IMMP2L: variants seen among roughly 807,000 people sequenced by gnomAD.
IMMP2L encodes the protein inner mitochondrial membrane peptidase subunit 2.
A neutral mutation model predicts 19.3 loss-of-function variants in IMMP2L; 18 were observed. The observed-to-expected ratio is 0.93, with a 90% CI of 0.64 to 1.38. IMMP2L has a LOEUF of 1.38. Among genes scored for constraint, IMMP2L ranks in the 40% most tolerant of loss-of-function variants. The pLI is 0.00. For synonymous variants in IMMP2L, 76 were observed against 73.0 expected, an observed-to-expected ratio of 1.04 and a Z score of -0.21; for missense variants, 233 against 218.2, an observed-to-expected ratio of 1.07 and a Z score of -0.43.
intron 5 of IMMP2L, among the ~76,000 whole-genome samples, chr7:110,798,436 T>C (rs1330167836): frequency 6.6e-6 from 1 of 151,980 alleles, no homozygotes; most frequent in African/African-American, 2.4e-5. Flanking sequence ...ACAGTGCCCA[T>C]ACTACCTGAC....
intron 3 of IMMP2L, among the ~76,000 whole-genome samples, chr7:111,055,500 C>T (rs1563198815): frequency 1.3e-5 from 2 of 152,154 alleles, no homozygotes; most frequent in Non-Finnish European, 2.9e-5. Flanking sequence ...CTCTTCCTAA[C>T]CCGTTTGCAA....
At chr7:110,970,681 C>T (rs531624373) in intron 3 of IMMP2L, among the ~76,000 whole-genome samples, 1 of 152,214 alleles carries the variant, frequency 6.6e-6, no homozygotes, top group East Asian at 1.9e-4. Context: ...CATATAGAAG[C>T]ACCACCGCTC....
chr7:111,448,453 T>A (rs1838759817), intron 3 of IMMP2L, among the ~76,000 whole-genome samples: 1 of 150,186 alleles, frequency 6.7e-6, no homozygotes, highest in Non-Finnish European at 1.5e-5. Flanking sequence ...TGCTCCTGAA[T>A]GACTACTGGG....
intron 1 of IMMP2L, among the ~76,000 whole-genome samples, chr7:111,560,917 A>T (rs1353857328): frequency 6.6e-6 from 1 of 152,258 alleles, no homozygotes; most frequent in African/African-American, 2.4e-5. Context: ...CAGTATCAGA[A>T]TAGGCAGCCT....
At chr7:111,513,014 A>G (rs1051212560) in intron 2 of IMMP2L, among the ~76,000 whole-genome samples, 1 of 152,098 alleles carries the variant, frequency 6.6e-6, no homozygotes, top group Non-Finnish European at 1.5e-5. Flanking sequence ...TAAAACTACT[A>G]GAAGAAAACA....
chr7:110,938,468 C>A (rs1461345456), intron 4 of IMMP2L, among the ~76,000 whole-genome samples: 1 of 152,178 alleles, frequency 6.6e-6, no homozygotes, highest in Non-Finnish European at 1.5e-5. Flanking sequence ...CATTTCTTTA[C>A]TGAAAATATG....
chr7:111,211,928 C>G (rs1022061440), intron 3 of IMMP2L, among the ~76,000 whole-genome samples: 1 of 152,046 alleles, frequency 6.6e-6, no homozygotes, highest in African/African-American at 2.4e-5. Context: ...ACCCAGGAGG[C>G]GGAGCTTGCA....
chr7:111,451,601 T>C (rs1293960891), intron 3 of IMMP2L, among the ~76,000 whole-genome samples: 1 of 145,460 alleles, frequency 6.9e-6, no homozygotes, highest in South Asian at 2.3e-4. Context: ...TTGGGAGATA[T>C]ACCTAATGCT....
At chr7:111,480,078 A>T (rs1166771184) in intron 3 of IMMP2L, among the ~76,000 whole-genome samples, 1 of 151,434 alleles carries the variant, frequency 6.6e-6, no homozygotes, top group East Asian at 1.9e-4. Context: ...TGTCTTAAGG[A>T]TACCAACTTT....
intron 3 of IMMP2L, among the ~76,000 whole-genome samples, chr7:111,281,220 G>GAA (rs1351800899): frequency 1.2e-4 from 8 of 67,002 alleles, no homozygotes; most frequent in African/African-American, 5.1e-4. Flanking sequence ...GAAAGAAAAA[G>GAA]AAAGAAAGAA....
intron 1 of IMMP2L, among the ~76,000 whole-genome samples, chr7:111,538,265 T>A (rs1231198092): frequency 6.6e-6 from 1 of 152,112 alleles, no homozygotes; most frequent in Non-Finnish European, 1.5e-5. Context: ...GCTGTCCATA[T>A]AAACTACATC....
chr7:111,207,001 T>C (rs1810781576), intron 3 of IMMP2L, among the ~76,000 whole-genome samples: 2 of 152,160 alleles, frequency 1.3e-5, no homozygotes, highest in Admixed American at 6.5e-5. Context: ...AAAAATAAGT[T>C]TTACAAAAAA....
At chr7:111,415,171 T>C (rs1308083502) in intron 3 of IMMP2L, among the ~76,000 whole-genome samples, 2 of 151,742 alleles carry the variant, frequency 1.3e-5, no homozygotes, top group African/African-American at 4.9e-5. Context: ...GAAGGGGGCC[T>C]GTATAGGAGC....
At chr7:110,953,337 C>T (rs112122571) in intron 4 of IMMP2L, among the ~76,000 whole-genome samples, 8,966 of 151,114 alleles carry the variant, frequency 0.059, 392 homozygotes, top group Non-Finnish European at 0.092. Context: ...CCCCGACAGG[C>T]CCCAGTGTGT....
chr7:111,354,372 A>G (rs1477988184), intron 3 of IMMP2L, among the ~76,000 whole-genome samples: 1 of 151,966 alleles, frequency 6.6e-6, no homozygotes, highest in Non-Finnish European at 1.5e-5. Context: ...TTGAAAATCT[A>G]ATTTCCACCT....
chr7:111,188,811 A>G (rs1377432321), intron 3 of IMMP2L, among the ~76,000 whole-genome samples: 2 of 152,166 alleles, frequency 1.3e-5, no homozygotes, highest in Non-Finnish European at 2.9e-5. Flanking sequence ...AAGTAGTGTC[A>G]TTACTCATAT....
chr7:110,933,545 C>G (rs550906869), intron 4 of IMMP2L, among the ~76,000 whole-genome samples: 83 of 152,168 alleles, frequency 5.5e-4, no homozygotes, highest in African/African-American at 2.0e-3. Flanking sequence ...AAGGTATGTG[C>G]TTTTTTAACA....
Position 110,798,768 on chromosome 7 carries a change from A to T in IMMP2L, c.408+87825T>A, listed in dbSNP as rs575428998. On this transcript the variant is annotated intron_variant, in intron 5 of 5. Coordinates refer to ENST00000405709, the MANE Select transcript of IMMP2L (RefSeq NM_032549.4). ...GAAAAAGAGAAGCAATTACTTTTTC[A>T]GTTCTTATTATCTGATTAAAGGGAA... Among the ~76,000 whole-genome samples, 390 of 151,968 alleles carry T rather than the reference A, an allele frequency of 2.6e-3. 3 individuals carry two copies. Among genetic ancestry groups the T allele is most frequent in the African/African-American group, 8.8e-3 (367 of 41,556 alleles).
At chr7:111,077,088 AC>A (rs1795479595) in intron 3 of IMMP2L, among the ~76,000 whole-genome samples, 1 of 152,156 alleles carries the variant, frequency 6.6e-6, no homozygotes, top group South Asian at 2.1e-4. Flanking sequence ...GAAATTCACA[AC>A]CTAAGGCCTT....
Sources: allele counts gnomAD v4.1 joint callset (sites outside exome capture counted in the v4.1 genomes callset), GRCh38; gene constraint gnomAD v4.1.1; transcripts MANE v1.5; gene names NCBI Gene and HGNC (gene_info 2026-07-23, HGNC 2026-07-21).